The following SV2C variants were observed in gnomAD, a reference collection of about 807,000 sequenced individuals.
SV2C encodes synaptic vesicle glycoprotein 2C.
A neutral mutation model predicts 79.7 loss-of-function variants in SV2C; 49 were observed. That is an observed-to-expected ratio of 0.61 (90% CI 0.49 to 0.78). The LOEUF (loss-of-function observed/expected upper bound fraction) is 0.78, where lower values mean the gene tolerates loss of function less well. SV2C is among the 30% of genes least tolerant of loss of function. The pLI is 0.00. For missense variants in SV2C, 833 were observed against 912.9 expected (o/e 0.91, Z 1.13); for synonymous variants, 334 against 333.2 (o/e 1.00, Z -0.03).
chr5:75,942,893 G>C, the SV2C span, among the ~76,000 whole-genome samples: 1 of 152,132 alleles, frequency 6.6e-6, no homozygotes, highest in Non-Finnish European at 1.5e-5. Flanking sequence ...AGCCACATGC[G>C]ATAGTGCATG....
rs541099739 is a variant in SV2C at position 76,206,645 on chromosome 5, T to C, written c.762-3091T>C. Among the ~76,000 whole-genome samples, 336 of 152,284 alleles carry C rather than the reference T, an allele frequency of 2.2e-3. 1 individual carries two copies. Among genetic ancestry groups the C allele is most frequent in the African/African-American group, 7.7e-3 (320 of 41,572 alleles). On this transcript the variant is annotated intron_variant, in intron 3 of 12. Transcript: ENST00000502798. ...CTACAACATTGAAGAGTCTGGGAAA[T>C]TCAGTTCTTTTGCGTAAACACTTAG...
the SV2C span, among the ~76,000 whole-genome samples, chr5:75,896,392 CTCA>C: frequency 2.6e-3 from 392 of 151,734 alleles, 2 homozygotes; most frequent in African/African-American, 8.4e-3. Flanking sequence ...AGGACGTGAA[CTCA>C]TCATTTTTTA....
At chr5:76,059,916 G>A in the SV2C span, among the ~76,000 whole-genome samples, 1 of 152,120 alleles carries the variant, frequency 6.6e-6, no homozygotes, top group Non-Finnish European at 1.5e-5. Flanking sequence ...CAGAATGGAT[G>A]TTGTGTGCAG....
chr5:76,028,815 T>G, the SV2C span, among the ~76,000 whole-genome samples: 1 of 152,192 alleles, frequency 6.6e-6, no homozygotes, highest in African/African-American at 2.4e-5. Context: ...ACCCACTAGA[T>G]GCCATCTTTG....
intron 12 of SV2C, among the ~76,000 whole-genome samples, chr5:76,345,240 C>T (rs1172333375): frequency 3.3e-5 from 5 of 152,214 alleles, no homozygotes; most frequent in Admixed American, 3.3e-4. Flanking sequence ...AGTCCCTGCC[C>T]TCACAGAGCT....
intron 4 of SV2C, among the ~76,000 whole-genome samples, chr5:76,215,690 T>G (rs531868066): frequency 1.1e-4 from 17 of 152,224 alleles, no homozygotes; most frequent in Non-Finnish European, 2.4e-4. Flanking sequence ...CACCACTCCC[T>G]GTGCATTGAG....
the SV2C span, among the ~76,000 whole-genome samples, chr5:75,959,639 T>C: frequency 1.3e-5 from 2 of 152,012 alleles, no homozygotes; most frequent in Non-Finnish European, 2.9e-5. Context: ...CTAGCTTCTA[T>C]GATAATTGGG....
chr5:76,030,289 T>TTTTTTA, the SV2C span, among the ~76,000 whole-genome samples: 15 of 117,910 alleles, frequency 1.3e-4, no homozygotes, highest in South Asian at 7.7e-4. Context: ...TTTTTTTTTT[T>TTTTTTA]TTTATTTATT....
chr5:76,267,171 A>T (rs1267492867), intron 4 of SV2C, among the ~76,000 whole-genome samples: 1 of 152,256 alleles, frequency 6.6e-6, no homozygotes, highest in Admixed American at 6.5e-5. Flanking sequence ...AGCTCATAGT[A>T]ACATGTGGGA....
At chr5:75,968,894 T>G in the SV2C span, among the ~76,000 whole-genome samples, 1 of 151,568 alleles carries the variant, frequency 6.6e-6, no homozygotes, top group Non-Finnish European at 1.5e-5. Flanking sequence ...AAAGTTGAAA[T>G]GAAGGAAAAA....
At chr5:75,870,161 T>C in the SV2C span, among the ~76,000 whole-genome samples, 2 of 151,842 alleles carry the variant, frequency 1.3e-5, no homozygotes, top group South Asian at 4.1e-4. Context: ...ATGAACTAAA[T>C]AAGGCACAAG....
chr5:76,189,446 G>A (rs923965094), intron 2 of SV2C, among the ~76,000 whole-genome samples: 1 of 152,124 alleles, frequency 6.6e-6, no homozygotes, highest in Non-Finnish European at 1.5e-5. Flanking sequence ...TAAGCACAAA[G>A]CATACTTTTA....
At chr5:75,987,086 G>A in the SV2C span, among the ~76,000 whole-genome samples, 3 of 151,928 alleles carry the variant, frequency 2.0e-5, no homozygotes, top group South Asian at 2.1e-4. Context: ...GGACTTTGGG[G>A]AAGAAGGACA....
the SV2C span, chr5:75,911,035 G>A: frequency 9.0e-7 from 1 of 1,116,822 alleles, no homozygotes; most frequent in South Asian, 1.2e-5. Flanking sequence ...TTTCCTTGAA[G>A]AGTGAGAGTG....
rs538828997 is a variant in SV2C at position 76,143,442 on chromosome 5, G to A, written c.580+11112G>A. 1.1e-4 allele frequency among the ~76,000 whole-genome samples: 17 copies of A among 152,256 alleles called. No individual in the cohort carries two copies. In the South Asian group the frequency reaches 3.5e-3, roughly 32 times the overall value. ...ACCGGAGCCCTAGTAACAGGGACAGGTCTGTGCTGTGTGACACTGTCTCAC... is the reference window on the plus strand; with the variant it reads ...ACCGGAGCCCTAGTAACAGGGACAGATCTGTGCTGTGTGACACTGTCTCAC... On this transcript the variant is annotated intron_variant, in intron 2 of 12. Coordinates refer to ENST00000502798, the MANE Select transcript of SV2C (RefSeq NM_014979.4).
chr5:76,011,506 C>T, the SV2C span, among the ~76,000 whole-genome samples: 1 of 152,140 alleles, frequency 6.6e-6, no homozygotes, highest in Non-Finnish European at 1.5e-5. Context: ...TTAACCTTAT[C>T]AGATCCAACC....
At chr5:76,248,541 T>C (rs1746015885) in intron 4 of SV2C, among the ~76,000 whole-genome samples, 1 of 152,098 alleles carries the variant, frequency 6.6e-6, no homozygotes, top group South Asian at 2.1e-4. Flanking sequence ...CTTCAATATA[T>C]AAATTTGGAG....
intron 2 of SV2C, among the ~76,000 whole-genome samples, chr5:76,177,677 A>C (rs747140821): frequency 1.3e-5 from 2 of 152,124 alleles, no homozygotes; most frequent in Non-Finnish European, 2.9e-5. Context: ...AAACTATCCA[A>C]AATCTTAGTG....
chr5:76,016,464 G>A, the SV2C span, among the ~76,000 whole-genome samples: 1 of 152,004 alleles, frequency 6.6e-6, no homozygotes, highest in African/African-American at 2.4e-5. Context: ...TCACCACAAG[G>A]GGGAGAATGT....
Sources: allele counts gnomAD v4.1 joint callset (sites outside exome capture counted in the v4.1 genomes callset), GRCh38; gene constraint gnomAD v4.1.1; transcripts MANE v1.5; gene names NCBI Gene and HGNC (gene_info 2026-07-23, HGNC 2026-07-21).